The following BRIP1 variants were observed in gnomAD, a reference collection of about 807,000 sequenced individuals.
The protein encoded by BRIP1 is Fanconi anemia group J protein.
A neutral mutation model predicts 119.7 loss-of-function variants in BRIP1; 88 were observed. The observed-to-expected ratio is 0.74, with a 90% CI of 0.62 to 0.88. BRIP1 has a LOEUF of 0.88. Ranked by LOEUF, BRIP1 falls within the 40% of genes least tolerant of loss-of-function variation. The pLI is 0.00. For missense variants in BRIP1, 1,259 were observed against 1,455.4 expected (o/e 0.87, Z 2.20); for synonymous variants, 443 against 496.5 (o/e 0.89, Z 1.43).
At position 61,825,296 on chromosome 17, in the gene BRIP1, AAAAAG is replaced by A. The variant is rs934108109; in HGVS notation, c.628-16544_628-16540del. Reference sequence around the variant, plus strand: ...CAAGACTCTGTCTCAAAACGAAAAAAAAAAGAAAAGAAAAGAAAAGAAAAGGAAGC... The same window carrying A: ...CAAGACTCTGTCTCAAAACGAAAAAAAAAAGAAAAGAAAAGAAAAGGAAGC... On this transcript the variant is annotated intron_variant, in intron 6 of 19. Coordinates refer to ENST00000259008, the MANE Select transcript of BRIP1 (RefSeq NM_032043.3). This position sits in a 1 kb window ranked among gnomAD's most constrained non-coding sequence, Gnocchi z 4.1. 4.7e-4 allele frequency among the ~76,000 whole-genome samples: 72 copies of A among 151,954 alleles called. No individual in the cohort carries two copies. The highest frequency in any genetic ancestry group is 6.6e-4 in the Admixed American group (10 of 15,256).
chr17:61,714,501 T>C (rs1001897341), intron 17 of BRIP1, among the ~76,000 whole-genome samples: 2 of 152,216 alleles, frequency 1.3e-5, no homozygotes, highest in Non-Finnish European at 2.9e-5. Flanking sequence ...CTAGGAACAA[T>C]AGGCTATATC....
At chr17:61,764,797 A>G (rs1567797989) in intron 14 of BRIP1, among the ~76,000 whole-genome samples, 1 of 152,076 alleles carries the variant, frequency 6.6e-6, no homozygotes, top group Non-Finnish European at 1.5e-5. Flanking sequence ...AAAATAGTTT[A>G]GAACTAAGGG....
chr17:61,850,495 A>ATTT (rs1285824429), intron 4 of BRIP1, among the ~76,000 whole-genome samples: 1 of 152,184 alleles, frequency 6.6e-6, no homozygotes, highest in Non-Finnish European at 1.5e-5. Context: ...TTTACAGCAG[A>ATTT]GAAAGACCTA....
At chr17:61,688,647 C>T (rs1350775285) in intron 18 of BRIP1, among the ~76,000 whole-genome samples, 3 of 151,562 alleles carry the variant, frequency 2.0e-5, no homozygotes, top group Non-Finnish European at 4.4e-5. Flanking sequence ...TGAGAGGTGG[C>T]TGTTTTTTCA....
At chr17:61,818,761 A>C (rs2078275440) in intron 6 of BRIP1, among the ~76,000 whole-genome samples, 1 of 152,236 alleles carries the variant, frequency 6.6e-6, no homozygotes, top group South Asian at 2.1e-4. Context: ...AAATGGGCCA[A>C]AAATTTGAAT....
chr17:61,862,640 C>T lies in BRIP1; in HGVS notation c.-31+644G>A, dbSNP rs2078987386. Reference sequence around the variant, plus strand: ...GAAAAAGTCCATAGATTTCTCTTCCCGTAAATATATCTCAAGGAAATCAAA... The same window carrying T: ...GAAAAAGTCCATAGATTTCTCTTCCTGTAAATATATCTCAAGGAAATCAAA... On this transcript the variant is annotated intron_variant, in intron 1 of 19. Coordinates refer to ENST00000259008, the MANE Select transcript of BRIP1 (RefSeq NM_032043.3). This position sits in a 1 kb window ranked among gnomAD's most constrained non-coding sequence, Gnocchi z 5.3. 6.6e-6 allele frequency among the ~76,000 whole-genome samples: 1 copy of T among 151,984 alleles called. No homozygotes were observed. Among genetic ancestry groups the T allele is most frequent in the African/African-American group, 2.4e-5 (1 of 41,344 alleles).
chr17:61,793,189 G>C lies in BRIP1; in HGVS notation c.1473+408C>G, dbSNP rs981335670. Among the ~76,000 whole-genome samples, 11 of 152,034 alleles carry C rather than the reference G, an allele frequency of 7.2e-5. No homozygotes were observed. The highest frequency in any genetic ancestry group is 1.5e-5 in the Non-Finnish European group (1 of 68,000). Reference sequence around the variant, plus strand: ...TGCATATAGCTTCATAAGTTTCATAGTCTTCCAAAGCCTACTCATGATCTC... The same window carrying C: ...TGCATATAGCTTCATAAGTTTCATACTCTTCCAAAGCCTACTCATGATCTC... On this transcript the variant is annotated intron_variant, in intron 10 of 19. Coordinates refer to ENST00000259008, the MANE Select transcript of BRIP1 (RefSeq NM_032043.3). The surrounding 1 kb of genome is among the most constrained non-coding windows in gnomAD (Gnocchi z 5.2).
chr17:61,819,420 T>C (rs968297414), intron 6 of BRIP1, among the ~76,000 whole-genome samples: 1 of 152,164 alleles, frequency 6.6e-6, no homozygotes, highest in Non-Finnish European at 1.5e-5. Context: ...CGAGGAGATA[T>C]CTGCACTCTC....
chr17:61,707,849 AT>A (rs1229577859), intron 17 of BRIP1, among the ~76,000 whole-genome samples: 4,756 of 141,056 alleles, frequency 0.034, 103 homozygotes, highest in Non-Finnish European at 0.05. Context: ...TGGTCTTCAC[AT>A]TTTTTTTTTT....
rs1428879317 is a variant in BRIP1 at position 61,846,076 on chromosome 17, G to A, written c.627+1025C>T. Among the ~76,000 whole-genome samples, 4 of 152,138 alleles carry A rather than the reference G, an allele frequency of 2.6e-5. No homozygotes were observed. The highest frequency in any genetic ancestry group is 1.9e-4 in the East Asian group (1 of 5,160). On this transcript the variant is annotated intron_variant, in intron 6 of 19. Transcript: ENST00000259008. The surrounding 1 kb of genome is among the most constrained non-coding windows in gnomAD (Gnocchi z 4.3). ...AGGCGCCTGTAGTCCCAACTACTCG[G>A]GAGGTTGAGGCAGGAGAATGGCATG...
At chr17:61,779,824 C>T (rs1212424319) in intron 13 of BRIP1, among the ~76,000 whole-genome samples, 3 of 151,830 alleles carry the variant, frequency 2.0e-5, no homozygotes, top group African/African-American at 7.3e-5. Context: ...AGGCGTGCGG[C>T]GCACACCTGT....
rs2077929315 is a variant in BRIP1 at position 61,798,088 on chromosome 17, T to C, written c.1340+1012A>G. On this transcript the variant is annotated intron_variant, in intron 9 of 19. Transcript: ENST00000259008. This position sits in a 1 kb window ranked among gnomAD's most constrained non-coding sequence, Gnocchi z 5.5. Reference sequence around the variant, plus strand: ...TTGCATACAAATGAAATTATGTATGTTCAAAGTTATTCATTATAGCAGTTT... The same window carrying C: ...TTGCATACAAATGAAATTATGTATGCTCAAAGTTATTCATTATAGCAGTTT... Among the ~76,000 whole-genome samples the C allele has an allele frequency of 6.6e-6, 1 of 152,014 alleles. No homozygotes were observed. Among genetic ancestry groups the C allele is most frequent in the Non-Finnish European group, 1.5e-5 (1 of 67,910 alleles).
chr17:61,774,318 A>G lies in BRIP1; in HGVS notation c.2097+2083T>C, dbSNP rs2145001953. On this transcript the variant is annotated intron_variant, in intron 14 of 19. Transcript: ENST00000259008. This position sits in a 1 kb window ranked among gnomAD's most constrained non-coding sequence, Gnocchi z 5.8. ...GATGAAGCTGGAAACCATCATTCTC[A>G]GCAAACTATCACAAAGACAGAAAAC... 6.6e-6 allele frequency among the ~76,000 whole-genome samples: 1 copy of G among 152,326 alleles called. No homozygotes were observed. Among genetic ancestry groups the G allele is most frequent in the East Asian group, 1.9e-4 (1 of 5,184 alleles).
In BRIP1 at chr17:61,810,314, T is replaced by G. The variant is rs1175433161; in HGVS notation, c.628-1557A>C. On this transcript the variant is annotated intron_variant, in intron 6 of 19. Transcript: ENST00000259008. The surrounding 1 kb of genome is among the most constrained non-coding windows in gnomAD (Gnocchi z 4.7). ...GCTGACATGTGGTTTATGTTACATA[T>G]GTTGCAATATCCAACAATTTACGGT... is the stretch of plus-strand genomic sequence containing the variant. Among the ~76,000 whole-genome samples the G allele has an allele frequency of 6.6e-6, 1 of 152,240 alleles. No individual in the cohort carries two copies.
In BRIP1 at chr17:61,713,906, A is replaced by G. The variant is rs917357746; in HGVS notation, c.2492+2045T>C. Among the ~76,000 whole-genome samples the G allele has an allele frequency of 6.6e-6, 1 of 152,110 alleles. No individual in the cohort carries two copies. Among genetic ancestry groups the G allele is most frequent in the Non-Finnish European group, 1.5e-5 (1 of 68,032 alleles). ...AATAGAAAAAGCTTATAGAATAAGG[A>G]TATAAAAATTATTTTTGTACAGCTG... On this transcript the variant is annotated intron_variant, in intron 17 of 19. Transcript: ENST00000259008. This position sits in a 1 kb window ranked among gnomAD's most constrained non-coding sequence, Gnocchi z 4.9.
chr17:61,712,010 G>GTA (rs1202650435), intron 17 of BRIP1, among the ~76,000 whole-genome samples: 1 of 151,924 alleles, frequency 6.6e-6, no homozygotes, highest in Non-Finnish European at 1.5e-5. Context: ...TTATGTATTT[G>GTA]TATATATATA....
chr17:61,734,104 A>G lies in BRIP1; in HGVS notation c.2379+8909T>C, dbSNP rs1364088606. Among the ~76,000 whole-genome samples the G allele has an allele frequency of 6.6e-6, 1 of 152,208 alleles. No homozygotes were observed. The highest frequency in any genetic ancestry group is 1.9e-4 in the East Asian group (1 of 5,198). ...AAATGCAATTTTAAAACCTAAATAT[A>G]TTTGTACCTTATCATATCTCACAAA... On this transcript the variant is annotated intron_variant, in intron 16 of 19. Coordinates refer to ENST00000259008, the MANE Select transcript of BRIP1 (RefSeq NM_032043.3). This position sits in a 1 kb window ranked among gnomAD's most constrained non-coding sequence, Gnocchi z 5.2.
chr17:61,812,200 T>C (rs764798432), intron 6 of BRIP1, among the ~76,000 whole-genome samples: 3 of 152,168 alleles, frequency 2.0e-5, no homozygotes, highest in Non-Finnish European at 2.9e-5. Context: ...CTGAAACCCT[T>C]TGACCCAGGG....
chr17:61,798,774 GA>G lies in BRIP1; in HGVS notation c.1340+325del, dbSNP rs1438538949. Among the ~76,000 whole-genome samples the G allele has an allele frequency of 6.6e-6, 1 of 151,970 alleles. No homozygotes were observed. The highest frequency in any genetic ancestry group is 2.4e-5 in the African/African-American group (1 of 41,398). The stretch of plus-strand genomic sequence containing the variant: ...AGCAATAAATTAAAGCCATGATCCA[GA>G]ATTTTAAAATATATTAATTAAAAGC... On this transcript the variant is annotated intron_variant, in intron 9 of 19. Transcript: ENST00000259008. This position sits in a 1 kb window ranked among gnomAD's most constrained non-coding sequence, Gnocchi z 5.5.
Sources: allele counts gnomAD v4.1 joint callset (sites outside exome capture counted in the v4.1 genomes callset), GRCh38; gene constraint gnomAD v4.1.1; non-coding constraint Gnocchi (gnomAD v3.1); transcripts MANE v1.5; gene names NCBI Gene and HGNC (gene_info 2026-07-23, HGNC 2026-07-21).